The following NTF3 variants were observed in gnomAD, a reference collection of about 807,000 sequenced individuals.
NTF3 encodes neurotrophin 3, also known as neurotrophin-3.
Under a neutral mutation model 26.3 loss-of-function variants are expected in NTF3, and 8 were observed. The ratio of observed to expected loss-of-function variants is 0.30; its 90% CI spans 0.18 to 0.55. The LOEUF (loss-of-function observed/expected upper bound fraction) is 0.55, where lower values mean the gene tolerates loss of function less well. Ranked by LOEUF, NTF3 falls within the 20% of genes least tolerant of loss-of-function variation. The pLI is 0.93. For missense variants in NTF3, 276 were observed against 352.9 expected (o/e 0.78, Z 1.75); for synonymous variants, 154 against 145.5 (o/e 1.06, Z -0.42).
intron 1 of NTF3, among the ~76,000 whole-genome samples, chr12:5,435,313 G>C (rs1940153171): frequency 6.6e-6 from 1 of 152,172 alleles, no homozygotes; most frequent in Admixed American, 6.5e-5. Flanking sequence ...TGGGTACTGG[G>C]GCATGGCACA....
At chr12:5,435,721 G>A (rs1310093495) in intron 1 of NTF3, among the ~76,000 whole-genome samples, 1 of 152,132 alleles carries the variant, frequency 6.6e-6, no homozygotes, top group Non-Finnish European at 1.5e-5. Flanking sequence ...CTGGAGAATG[G>A]TGAAGTCATG....
At chr12:5,454,296 C>G (rs1208343746) in intron 1 of NTF3, among the ~76,000 whole-genome samples, 1 of 152,206 alleles carries the variant, frequency 6.6e-6, no homozygotes, top group Non-Finnish European at 1.5e-5. Flanking sequence ...CACTGTCTTT[C>G]CTCTGTGCAT....
chr12:5,432,802 G>T (rs1940113319), intron 1 of NTF3, among the ~76,000 whole-genome samples: 1 of 152,010 alleles, frequency 6.6e-6, no homozygotes, highest in South Asian at 2.1e-4. Context: ...CAACCGACCC[G>T]CCTGCTCCTC....
At chr12:5,461,006 CA>C (rs1940517763) in intron 1 of NTF3, among the ~76,000 whole-genome samples, 1 of 152,134 alleles carries the variant, frequency 6.6e-6, no homozygotes, top group African/African-American at 2.4e-5. Context: ...GGCCTTTTAG[CA>C]GGGCCTATGA....
intron 1 of NTF3, among the ~76,000 whole-genome samples, chr12:5,449,362 C>T (rs917545514): frequency 2.6e-5 from 4 of 152,216 alleles, no homozygotes; most frequent in African/African-American, 7.2e-5. Context: ...CGGCTCTTCT[C>T]CTTTTTCTCT....
intron 1 of NTF3, among the ~76,000 whole-genome samples, chr12:5,437,660 T>C (rs1425327720): frequency 2.0e-5 from 3 of 152,228 alleles, no homozygotes; most frequent in Non-Finnish European, 2.9e-5. Flanking sequence ...GCTGTTTTAC[T>C]CTTTAACGAG....
At chr12:5,474,269 T>A (rs768256310) in intron 1 of NTF3, among the ~76,000 whole-genome samples, 9 of 152,188 alleles carry the variant, frequency 5.9e-5, no homozygotes, top group Admixed American at 2.0e-4. Flanking sequence ...AGCATACAGT[T>A]AAGTGGAGCA....
Position 5,476,110 on chromosome 12 carries a change from T to C in NTF3, c.19-18084T>C, listed in dbSNP as rs917235106. Among the ~76,000 whole-genome samples the C allele has an allele frequency of 9.9e-5, 15 of 152,168 alleles. No individual in the cohort carries two copies. The South Asian group carries it at 1.9e-3, about 19-fold the overall frequency. On this transcript the variant is annotated intron_variant, in intron 1 of 1. Transcript: ENST00000423158. ...CAGCCCTGCCACTCAGAAGAAATTC[T>C]GGTTATACTCACAGTAATCACACTT...
chr12:5,444,035 T>C (rs1043837294), intron 1 of NTF3, among the ~76,000 whole-genome samples: 3 of 151,994 alleles, frequency 2.0e-5, no homozygotes, highest in African/African-American at 7.2e-5. Context: ...CTTTTACTTT[T>C]TGGCTCTTGT....
chr12:5,494,423 G>C lies in NTF3; in HGVS notation c.248G>C (p.Arg83Pro). The C allele has an allele frequency of 2.5e-6, 4 of 1,613,020 alleles. No homozygotes were observed. The highest frequency in any genetic ancestry group is 2.2e-5 in the East Asian group (1 of 44,858). The change falls in exon 2 of 2, where the codon CGA becomes CCA. Residue 83 changes from arginine (R) to proline (P), a missense_variant. Physicochemically the swap from Arg to Pro is moderately radical, Grantham distance 103. This residue lies in a region of NTF3 where 221 missense variants were observed against 258.2 expected (regional missense o/e 0.86). Transcript: ENST00000423158. This position sits in a 1 kb window ranked among gnomAD's most constrained non-coding sequence, Gnocchi z 8.3. ...ACCCTGCCCAAAGCTGAGGCTCCCC[G>C]AGAGCCGGAGCGGGGAGGGCCCGCC... is the stretch of plus-strand genomic sequence containing the variant. ...QSTLPKAEAPREPERGGPAKS... is the reference protein window; with the variant it reads ...QSTLPKAEAPPEPERGGPAKS...
Position 5,494,563 on chromosome 12 carries a change from T to G in NTF3, c.388T>G (p.Leu130Val), listed in dbSNP as rs571251917. Residue 130 changes from leucine (L) to valine (V), a missense_variant, in exon 2 of 2, where the codon TTG becomes GTG. Leu to Val is a conservative substitution (Grantham distance 32). This residue lies in a region of NTF3 where 221 missense variants were observed against 258.2 expected (regional missense o/e 0.86). Coordinates refer to ENST00000423158, the MANE Select transcript of NTF3 (RefSeq NM_001102654.2). The surrounding 1 kb of genome is among the most constrained non-coding windows in gnomAD (Gnocchi z 8.3). ...CAGCACCCCCTTGGAGCCCCCGCCC[T>G]TGTATCTCATGGAGGATTACGTGGG... is the stretch of plus-strand genomic sequence containing the variant. ...SDSTPLEPPPLYLMEDYVGSP... is the reference protein window; with the variant it reads ...SDSTPLEPPPVYLMEDYVGSP... The G allele has an allele frequency of 6.2e-7, 1 of 1,614,110 alleles. No homozygotes were observed. Among genetic ancestry groups the G allele is most frequent in the African/African-American group, 1.3e-5 (1 of 75,034 alleles).
At chr12:5,480,524 A>T (rs1940776482) in intron 1 of NTF3, among the ~76,000 whole-genome samples, 1 of 152,182 alleles carries the variant, frequency 6.6e-6, no homozygotes, top group Non-Finnish European at 1.5e-5. Context: ...GAGCAAAGGC[A>T]GGCGCACTCT....
upstream of NTF3, among the ~76,000 whole-genome samples, chr12:5,430,448 T>C (rs1940070582): frequency 3.3e-5 from 5 of 150,862 alleles, no homozygotes; most frequent in South Asian, 1.0e-3. Flanking sequence ...AGGACTACCC[T>C]ACCCTTGCGA....
intron 1 of NTF3, among the ~76,000 whole-genome samples, chr12:5,488,517 T>C (rs910033807): frequency 1.3e-5 from 2 of 152,218 alleles, no homozygotes; most frequent in African/African-American, 2.4e-5. Context: ...TGTGGCCCCA[T>C]TGACTAATTC....
chr12:5,480,998 G>C (rs1167261839), intron 1 of NTF3, among the ~76,000 whole-genome samples: 1 of 152,080 alleles, frequency 6.6e-6, no homozygotes, highest in Non-Finnish European at 1.5e-5. Flanking sequence ...GGCCACTGGA[G>C]CCCTGTGCCT....
chr12:5,432,365 T>G (rs1240280837), intron 1 of NTF3, 23 bp downstream of exon 1: 1 of 1,610,124 alleles, frequency 6.2e-7, no homozygotes, highest in Non-Finnish European at 8.5e-7. Flanking sequence ...GGCGGGCACC[T>G]TGGGTGGGCA....
intron 1 of NTF3, among the ~76,000 whole-genome samples, chr12:5,488,833 G>A (rs372364651): frequency 1.3e-5 from 2 of 152,202 alleles, no homozygotes; most frequent in African/African-American, 2.4e-5. Context: ...CAGCTGGCCA[G>A]CGTCCTCTTT....
chr12:5,444,332 C>A (rs1420228380), intron 1 of NTF3, among the ~76,000 whole-genome samples: 2 of 152,156 alleles, frequency 1.3e-5, no homozygotes, highest in African/African-American at 4.8e-5. Flanking sequence ...TGAGCAGGGG[C>A]TGGGGCAGAG....
chr12:5,432,602 C>CAGACACAG (rs1555141049), intron 1 of NTF3, among the ~76,000 whole-genome samples: 1 of 132,538 alleles, frequency 7.5e-6, no homozygotes, highest in African/African-American at 2.8e-5. Flanking sequence ...CACACACACA[C>CAGACACAG]ACACAGACAC....
Sources: allele counts gnomAD v4.1 joint callset (sites outside exome capture counted in the v4.1 genomes callset), GRCh38; gene constraint gnomAD v4.1.1; regional missense constraint gnomAD v4.1.1; non-coding constraint Gnocchi (gnomAD v3.1); transcripts MANE v1.5; gene names NCBI Gene and HGNC (gene_info 2026-07-23, HGNC 2026-07-21).